The following CHI3L2 variants were observed in gnomAD, a reference collection of about 807,000 sequenced individuals.
The protein encoded by CHI3L2 is chitinase-3-like protein 2.
A neutral mutation model predicts 47.3 loss-of-function variants in CHI3L2; 47 were observed. The observed-to-expected ratio is 0.99, with a 90% CI of 0.79 to 1.27. The LOEUF is 1.27. Among genes scored for constraint, CHI3L2 ranks in the 50% most tolerant of loss-of-function variants. The probability of loss-of-function intolerance (pLI) is 0.00; values close to 1 mark genes in which losing one functional copy is unlikely to be tolerated. For missense variants in CHI3L2, 497 were observed against 462.1 expected (o/e 1.08, Z -0.69); for synonymous variants, 198 against 169.9 (o/e 1.17, Z -1.28).
In CHI3L2 at chr1:111,243,401, C is replaced by T; in HGVS notation, c.*187C>T. ...TTTTCCTGCAGCTGTTGACTTGTTG[C>T]CCTGAAGTACAATAAAAAAAATTCA... On this transcript the variant is annotated 3_prime_UTR_variant, in exon 11 of 11. Transcript: ENST00000369748. 1 of 365,080 alleles carries T rather than the reference C, an allele frequency of 2.7e-6. No homozygotes were observed. The highest frequency in any genetic ancestry group is 5.4e-6 in the Non-Finnish European group (1 of 186,800). 22.6% of individuals were successfully genotyped at this position (365,080 alleles called of 1,614,324 possible).
At chr1:111,238,204 C>T (rs1301634022) in intron 7 of CHI3L2, among the ~76,000 whole-genome samples, 1 of 152,230 alleles carries the variant, frequency 6.6e-6, no homozygotes, top group Non-Finnish European at 1.5e-5. Context: ...TGTAACCTGA[C>T]CACCTTGGGC....
chr1:111,227,755 A>C lies in CHI3L2; in HGVS notation c.26A>C (p.Lys9Thr), dbSNP rs1414118027. MGATTMDQ[K>T]SLWAGVVVLL... ...ATGGGAGCAACCACCATGGACCAGA[A>C]GTCTCTCTGGGCAGGTGAGCATGGG... The change falls in exon 1 of 11, where the codon AAG becomes ACG. Residue 9 changes from lysine to threonine, a missense_variant. Physicochemically the swap from Lys to Thr is moderately conservative, Grantham distance 78. Transcript: ENST00000369748. 2 of 1,614,210 alleles carry C rather than the reference A, an allele frequency of 1.2e-6. No homozygotes were observed. The highest frequency in any genetic ancestry group is 2.2e-5 in the South Asian group (2 of 91,088).
At chr1:111,230,341 C>T (rs187954257) in intron 2 of CHI3L2, among the ~76,000 whole-genome samples, 470 of 152,114 alleles carry the variant, frequency 3.1e-3, no homozygotes, top group Non-Finnish European at 3.9e-3. Flanking sequence ...GCAGCCTTGA[C>T]CTCCCAGGCT....
chr1:111,233,298 A>C (rs907021460), intron 4 of CHI3L2, among the ~76,000 whole-genome samples: 2 of 152,152 alleles, frequency 1.3e-5, no homozygotes, highest in Non-Finnish European at 2.9e-5. Flanking sequence ...CCATGAAGTC[A>C]CTGGAGTCCA....
intron 8 of CHI3L2, among the ~76,000 whole-genome samples, chr1:111,240,785 G>C (rs572716681): frequency 3.3e-5 from 5 of 152,218 alleles, no homozygotes; most frequent in African/African-American, 9.6e-5. Context: ...TGATAGAAGG[G>C]GAGCCCCAGG....
chr1:111,233,119 C>T (rs1659774857), intron 4 of CHI3L2, among the ~76,000 whole-genome samples: 1 of 152,180 alleles, frequency 6.6e-6, no homozygotes, highest in Non-Finnish European at 1.5e-5. Flanking sequence ...GTTTAAAATG[C>T]TATTGGTGCC....
Position 111,235,819 on chromosome 1 carries a change from T to C in CHI3L2, c.605+56T>C, listed in dbSNP as rs1659868442. 33 of 1,600,498 alleles carry C rather than the reference T, an allele frequency of 2.1e-5. No homozygotes were observed. The South Asian group carries it at 2.8e-4, about 14-fold the overall frequency. The stretch of plus-strand genomic sequence containing the variant: ...CTGCTTCCAATTTGGTCCATGCAAA[T>C]GATGCATCAGCATGTTTGACGGATG... On this transcript the variant is annotated intron_variant, in intron 6 of 10. Transcript: ENST00000369748.
At chr1:111,241,569 C>T (rs892059196) in intron 9 of CHI3L2, 126 bp downstream of exon 9, 7 of 625,802 alleles carry the variant, frequency 1.1e-5, no homozygotes, top group South Asian at 7.7e-5. Flanking sequence ...GATCCAGCAG[C>T]CTTTATAGCT....
chr1:111,238,652 C>T (rs1571230487), intron 7 of CHI3L2, 98 bp from the exon 8 acceptor site: 1 of 1,285,380 alleles, frequency 7.8e-7, no homozygotes, highest in African/African-American at 1.5e-5. Flanking sequence ...GAAAAGAAAC[C>T]AGGCAGTCAC....
Position 111,235,716 on chromosome 1 carries a change from A to T in CHI3L2, c.558A>T (p.Ala186=). The T allele has an allele frequency of 6.2e-7, 1 of 1,614,226 alleles. No individual in the cohort carries two copies. Among genetic ancestry groups the T allele is most frequent in the Non-Finnish European group, 8.5e-7 (1 of 1,180,012 alleles). ...ERLLLTAGVS[A]GRQMIDNSYQ... ...TTCTCTTGACTGCGGGCGTATCTGC[A>T]GGGAGGCAAATGATTGATAACAGCT... Residue 186 remains alanine, a synonymous_variant, in exon 6 of 11, where the codon GCA becomes GCT. Transcript: ENST00000369748.
At chr1:111,231,416 C>G (rs958129692) in intron 4 of CHI3L2, 122 bp downstream of exon 4, 2 of 697,140 alleles carry the variant, frequency 2.9e-6, no homozygotes, top group Non-Finnish European at 4.9e-6. Flanking sequence ...GGCCAGGTGG[C>G]AAAACTGATC....
At chr1:111,236,930 G>A (rs61806344) in intron 7 of CHI3L2, among the ~76,000 whole-genome samples, 35,760 of 152,040 alleles carry the variant, frequency 0.24, 4,807 homozygotes, top group Middle Eastern at 0.4. Flanking sequence ...AATCATAAGG[G>A]TTCAAAGTGG....
chr1:111,232,670 T>C (rs1456797529), intron 4 of CHI3L2, among the ~76,000 whole-genome samples: 1 of 152,228 alleles, frequency 6.6e-6, no homozygotes, highest in Non-Finnish European at 1.5e-5. Context: ...ATTATTGTTG[T>C]TATTATTAGG....
Position 111,238,634 on chromosome 1 carries a change from C to T in CHI3L2, c.736-116C>T, listed in dbSNP as rs1028868723. The T allele has an allele frequency of 7.3e-5, 77 of 1,058,628 alleles. 1 individual carries two copies. Among genetic ancestry groups the T allele is most frequent in the South Asian group, 2.2e-4 (16 of 73,652 alleles). The allele number at this position is 1,058,628 out of a possible 1,614,324, so 65.6% of individuals were successfully genotyped here. On this transcript the variant is annotated intron_variant, in intron 7 of 10. Transcript: ENST00000369748. ...CCGGGGGGTCTGGTCTGTTCACACTCGGATGTAGAAAAGAAACCAGGCAGT... is the reference window on the plus strand; with the variant it reads ...CCGGGGGGTCTGGTCTGTTCACACTTGGATGTAGAAAAGAAACCAGGCAGT...
In CHI3L2 at chr1:111,235,621, T is replaced by C; in HGVS notation, c.481-18T>C. On this transcript the variant is annotated intron_variant, in intron 5 of 10. Coordinates refer to ENST00000369748, the MANE Select transcript of CHI3L2 (RefSeq NM_004000.3). ...CTGGGAAGGGGAATATTGCACCTCGTTTCTTTGTTTTTCCTAGGAGTTAGC... is the reference window on the plus strand; with the variant it reads ...CTGGGAAGGGGAATATTGCACCTCGCTTCTTTGTTTTTCCTAGGAGTTAGC... 1.9e-6 allele frequency: 3 copies of C among 1,611,176 alleles called. No individual in the cohort carries two copies. The highest frequency in any genetic ancestry group is 3.4e-5 in the Admixed American group (2 of 59,602).
chr1:111,233,639 T>C (rs1659792259), intron 4 of CHI3L2, among the ~76,000 whole-genome samples: 1 of 151,706 alleles, frequency 6.6e-6, no homozygotes, highest in Admixed American at 6.6e-5. Flanking sequence ...CGGCCGCCCC[T>C]ACTGGGAAGT....
chr1:111,230,852 T>C lies in CHI3L2; in HGVS notation c.181T>C (p.Tyr61His). Residue 61 changes from tyrosine (Y) to histidine (H), a missense_variant, in exon 3 of 11, where the codon TAT (tyrosine) becomes CAT (histidine). By Grantham distance (83) the Tyr-to-His change is moderately conservative. Coordinates refer to ENST00000369748, the MANE Select transcript of CHI3L2 (RefSeq NM_004000.3). ...IDPFLCSHLI[Y>H]SFASIENNKV... ...CCCCTTCCTATGCTCTCATCTCATC[T>C]ATTCATTCGCCAGCATCGAAAACAA... 1 of 1,614,138 alleles carries C rather than the reference T, an allele frequency of 6.2e-7. No individual in the cohort carries two copies. Among genetic ancestry groups the C allele is most frequent in the Non-Finnish European group, 8.5e-7 (1 of 1,179,978 alleles).
chr1:111,242,436 G>T lies in CHI3L2; in HGVS notation c.*2+70G>T. The T allele has an allele frequency of 4.1e-6, 6 of 1,466,736 alleles. No individual in the cohort carries two copies. In the African/African-American group the frequency reaches 5.7e-5, roughly 14 times the overall value. 90.9% of individuals were successfully genotyped at this position (1,466,736 alleles called of 1,614,324 possible). On this transcript the variant is annotated intron_variant, in intron 10 of 10. Transcript: ENST00000369748. ...GAACAGGGCACAGGAGACTGGGGGA[G>T]ATCATCTTCACATATTTGGACTAAT...
At chr1:111,231,570 A>G in intron 4 of CHI3L2, 1 of 322,112 alleles carries the variant, frequency 3.1e-6, no homozygotes, top group Non-Finnish European at 5.6e-6. Context: ...TGAATTATTT[A>G]CATGAATGTT....
Sources: allele counts gnomAD v4.1 joint callset (sites outside exome capture counted in the v4.1 genomes callset), GRCh38; gene constraint gnomAD v4.1.1; transcripts MANE v1.5; gene names NCBI Gene and HGNC (gene_info 2026-07-23, HGNC 2026-07-21).